ARHGAP20: variants seen among roughly 807,000 people sequenced by gnomAD.
ARHGAP20 encodes the protein Rho GTPase activating protein 20, also known as rho GTPase-activating protein 20.
A neutral mutation model predicts 73.7 loss-of-function variants in ARHGAP20; 34 were observed. That is an observed-to-expected ratio of 0.46 (90% CI 0.35 to 0.61). The LOEUF (loss-of-function observed/expected upper bound fraction) is 0.61, where lower values mean the gene tolerates loss of function less well. ARHGAP20 is among the 20% of genes least tolerant of loss of function. The pLI is 0.00. For synonymous variants in ARHGAP20, 523 were observed against 518.2 expected (o/e 1.01, Z -0.13); for missense variants, 1,314 against 1,420.9 (o/e 0.92, Z 1.21).
intron 1 of ARHGAP20, among the ~76,000 whole-genome samples, chr11:110,691,267 C>T (rs1044209373): frequency 1.3e-4 from 19 of 151,816 alleles, no homozygotes; most frequent in African/African-American, 4.4e-4. Flanking sequence ...GAAGTTTATT[C>T]GACTTGAATT....
intron 4 of ARHGAP20, among the ~76,000 whole-genome samples, chr11:110,617,712 A>G (rs1333989254): frequency 1.3e-5 from 2 of 152,156 alleles, no homozygotes; most frequent in South Asian, 4.1e-4. Context: ...CTATACCTGA[A>G]TCCAGGACTC....
intron 2 of ARHGAP20, among the ~76,000 whole-genome samples, chr11:110,665,360 T>TA (rs1229800562): frequency 1.3e-5 from 2 of 151,998 alleles, no homozygotes; most frequent in Admixed American, 1.3e-4. Flanking sequence ...TGAAGGTCAT[T>TA]AAAATAGAGA....
At position 110,580,216 on chromosome 11, in the gene ARHGAP20, GC is replaced by G; in HGVS notation, c.2729del (p.Gly910AlafsTer18). The G allele has an allele frequency of 6.2e-7, 1 of 1,614,176 alleles. No homozygotes were observed. The highest frequency in any genetic ancestry group is 8.5e-7 in the Non-Finnish European group (1 of 1,180,022). ...NQSLVMGIEV[G>X]KSSATNQNTE... Reference sequence around the variant, plus strand: ...TGTTTTGGTTTGTGGCACTACTCTTGCCCACCTCAATCCCCATGACTAAACT... The same window carrying G: ...TGTTTTGGTTTGTGGCACTACTCTTGCCACCTCAATCCCCATGACTAAACT... On this transcript the variant is annotated frameshift_variant, in exon 15 of 15. Coordinates refer to ENST00000683387, the MANE Select transcript of ARHGAP20 (RefSeq NM_001384657.1). LOFTEE classifies it low-confidence loss of function (END_TRUNC).
chr11:110,590,489 TTG>T (rs1800304516), intron 11 of ARHGAP20, among the ~76,000 whole-genome samples, 157 bp downstream of exon 11: 1 of 152,190 alleles, frequency 6.6e-6, no homozygotes, highest in Non-Finnish European at 1.5e-5. Flanking sequence ...AATGTTGACT[TTG>T]TGAAATGTTT....
rs201055944 is a variant in ARHGAP20 at position 110,609,000 on chromosome 11, A to T, written c.759T>A (p.Ala253=). ...AAAACTTACCAATGAGTGGGTATGG[A>T]GCCTCTTCTTTGCCAGAATTGACCC... ...QLWVNSGKEE[A]PYPLIGHEYP... The change falls in exon 8 of 15, where the codon GCT becomes GCA. Residue 253 remains alanine, a synonymous_variant. Transcript: ENST00000683387. The T allele has an allele frequency of 7.4e-6, 12 of 1,613,586 alleles. No homozygotes were observed. The highest frequency in any genetic ancestry group is 4.4e-5 in the South Asian group (4 of 91,048).
chr11:110,577,294 A>T lies in ARHGAP20; in HGVS notation c.*2076T>A. ...GATGGAGTATAATAAAATGACATATAGTCTGTCTTCAAATCATACAATATA... is the reference window on the plus strand; with the variant it reads ...GATGGAGTATAATAAAATGACATATTGTCTGTCTTCAAATCATACAATATA... On this transcript the variant is annotated 3_prime_UTR_variant, in exon 15 of 15. Transcript: ENST00000683387. 1 of 1,371,130 alleles carries T rather than the reference A, an allele frequency of 7.3e-7. No individual in the cohort carries two copies. Among genetic ancestry groups the T allele is most frequent in the East Asian group, 2.7e-5 (1 of 37,154 alleles). 84.9% of individuals were successfully genotyped at this position (1,371,130 alleles called of 1,614,324 possible). A position where few individuals can be genotyped will look rare whatever the true frequency, so the allele number is the denominator to read the frequency against.
intron 2 of ARHGAP20, among the ~76,000 whole-genome samples, chr11:110,644,098 A>G (rs989717790): frequency 6.6e-5 from 10 of 152,110 alleles, no homozygotes; most frequent in African/African-American, 2.4e-4. Flanking sequence ...AATACAGTTA[A>G]CCAAGGAGGT....
chr11:110,684,527 T>C (rs1950095477), intron 2 of ARHGAP20, among the ~76,000 whole-genome samples: 1 of 152,084 alleles, frequency 6.6e-6, no homozygotes, highest in African/African-American at 2.4e-5. Context: ...TCAAAGAACT[T>C]AAAATAGAAA....
chr11:110,712,287 C>A lies in ARHGAP20; in HGVS notation c.-56G>T. Reference sequence around the variant, plus strand: ...GGAGGAGGCTACACGATCATGTCCGCGGGCTGCCGGCCGGAGGGGCGAGGA... The same window carrying A: ...GGAGGAGGCTACACGATCATGTCCGAGGGCTGCCGGCCGGAGGGGCGAGGA... On this transcript the variant is annotated 5_prime_UTR_variant, in exon 1 of 15. Transcript: ENST00000683387. The A allele has an allele frequency of 8.0e-7, 1 of 1,249,604 alleles. No individual in the cohort carries two copies. The allele number at this position is 1,249,604 out of a possible 1,614,324, so 77.4% of individuals were successfully genotyped here. A position where few individuals can be genotyped will look rare whatever the true frequency, so the allele number is the denominator to read the frequency against.
intron 2 of ARHGAP20, among the ~76,000 whole-genome samples, chr11:110,671,525 C>G (rs1029961693): frequency 5.3e-5 from 8 of 151,368 alleles, no homozygotes; most frequent in Non-Finnish European, 8.9e-5. Flanking sequence ...AAATAAAAAT[C>G]AAACAAATTA....
intron 2 of ARHGAP20, among the ~76,000 whole-genome samples, chr11:110,678,561 C>G (rs1184557119): frequency 6.6e-6 from 1 of 152,168 alleles, no homozygotes; most frequent in Non-Finnish European, 1.5e-5. Flanking sequence ...TTCTAGAAAG[C>G]TAGTTTCATA....
rs939114803 is a variant in ARHGAP20, at chr11:110,617,939, G to A, written c.504-2345C>T. 2.0e-5 allele frequency among the ~76,000 whole-genome samples: 3 copies of A among 152,302 alleles called. No individual in the cohort carries two copies. The East Asian group carries it at 5.8e-4, about 29-fold the overall frequency. ...CAAATTATGGAGGAGATAGAGGCCTGTCATCACTGAGAGTGAGCCGGGAAC... is the reference window on the plus strand; with the variant it reads ...CAAATTATGGAGGAGATAGAGGCCTATCATCACTGAGAGTGAGCCGGGAAC... On this transcript the variant is annotated intron_variant, in intron 4 of 14. Coordinates refer to ENST00000683387, the MANE Select transcript of ARHGAP20 (RefSeq NM_001384657.1).
chr11:110,664,621 G>C (rs1325919970), intron 2 of ARHGAP20, among the ~76,000 whole-genome samples: 3 of 151,016 alleles, frequency 2.0e-5, no homozygotes, highest in Non-Finnish European at 4.4e-5. Flanking sequence ...CCAGCTACTT[G>C]GGAGGCTGAG....
rs1947314615 is a variant in ARHGAP20, at chr11:110,577,430, T to C, written c.*1940A>G. The C allele has an allele frequency of 9.1e-7, 1 of 1,102,840 alleles. No homozygotes were observed. The highest frequency in any genetic ancestry group is 5.0e-5 in the East Asian group (1 of 19,968). 68.3% of individuals were successfully genotyped at this position (1,102,840 alleles called of 1,614,324 possible). On this transcript the variant is annotated 3_prime_UTR_variant, in exon 15 of 15. Transcript: ENST00000683387. Reference sequence around the variant, plus strand: ...AAAAACCTCAGCAACTATTTTCTTCTATGCTTCAAATTGGGTGAATGATTT... The same window carrying C: ...AAAAACCTCAGCAACTATTTTCTTCCATGCTTCAAATTGGGTGAATGATTT...
chr11:110,706,742 A>T (rs1178237719), intron 1 of ARHGAP20, among the ~76,000 whole-genome samples: 1 of 152,088 alleles, frequency 6.6e-6, no homozygotes, highest in African/African-American at 2.4e-5. Context: ...ACAAAGCCCA[A>T]TCAGAAGTTC....
rs748755019 is a variant in ARHGAP20 at position 110,579,228 on chromosome 11, A to G, written c.*142T>C. The G allele has an allele frequency of 4.0e-5, 55 of 1,363,316 alleles. No individual in the cohort carries two copies. Among genetic ancestry groups the G allele is most frequent in the Non-Finnish European group, 3.2e-5 (34 of 1,056,282 alleles). The allele number at this position is 1,363,316 out of a possible 1,614,324, so 84.5% of individuals were successfully genotyped here. A position where few individuals can be genotyped will look rare whatever the true frequency, so the allele number is the denominator to read the frequency against. On this transcript the variant is annotated 3_prime_UTR_variant, in exon 15 of 15. Transcript: ENST00000683387. The stretch of plus-strand genomic sequence containing the variant: ...TTGTCAAGTAGTCTCAATAAAGAGA[A>G]TTATTTCGTTGTCCTAAGTATTAGC...
intron 4 of ARHGAP20, 115 bp from the exon 5 acceptor site, chr11:110,615,709 T>C: frequency 1.1e-6 from 1 of 896,754 alleles, no homozygotes. Context: ...ACTAATACAG[T>C]TGCACACATA....
rs184828921 is a variant in ARHGAP20 at position 110,607,929 on chromosome 11, A to C, written c.775+1055T>G. Among the ~76,000 whole-genome samples, 426 of 152,294 alleles carry C rather than the reference A, an allele frequency of 2.8e-3. 2 individuals are homozygous for C. The highest frequency in any genetic ancestry group is 9.9e-3 in the African/African-American group (412 of 41,574). On this transcript the variant is annotated intron_variant, in intron 8 of 14. Transcript: ENST00000683387. ...ATATTTTATTAAAACAATTATTTCA[A>C]GTGTTTGATTTTTAATAACTTTATT...
intron 3 of ARHGAP20, among the ~76,000 whole-genome samples, chr11:110,625,999 T>C (rs1948736247): frequency 6.6e-6 from 1 of 152,216 alleles, no homozygotes; most frequent in South Asian, 2.1e-4. Context: ...CAAAGCCTCA[T>C]TTATGATTCC....
Sources: gnomAD v4.1 joint callset for allele counts (sites outside exome capture counted in the v4.1 genomes callset) on GRCh38, gnomAD v4.1.1 for gene constraint, MANE v1.5 for transcripts, NCBI Gene and HGNC (gene_info 2026-07-23, HGNC 2026-07-21) for gene names.